IPO11: variants seen among roughly 807,000 people sequenced by gnomAD.
IPO11 encodes importin-11.
Under a neutral mutation model 143.2 loss-of-function variants are expected in IPO11, and 66 were observed. The observed-to-expected ratio is 0.46, with a 90% CI of 0.38 to 0.57. The LOEUF is 0.57. Among genes scored for constraint, IPO11 ranks in the 20% least tolerant of loss-of-function variants. The pLI, the probability that IPO11 is intolerant of heterozygous loss-of-function variation, is 0.00. For missense variants in IPO11, 1,026 were observed against 1,141.0 expected (o/e 0.90, Z 1.45); for synonymous variants, 385 against 377.8 (o/e 1.02, Z -0.22).
intron 2 of IPO11, among the ~76,000 whole-genome samples, chr5:62,439,711 T>C (rs184518294): frequency 6.7e-4 from 102 of 152,258 alleles, no homozygotes; most frequent in African/African-American, 2.4e-3. Context: ...CCTGTAATTT[T>C]CTTCTTAGAG....
intron 20 of IPO11, among the ~76,000 whole-genome samples, chr5:62,516,994 C>G (rs1050587227): frequency 1.3e-5 from 2 of 151,622 alleles, no homozygotes; most frequent in Non-Finnish European, 2.9e-5. Context: ...GTCAGGAGAT[C>G]AAGACCATCC....
chr5:62,501,773 G>C (rs980510974), intron 16 of IPO11, among the ~76,000 whole-genome samples: 1 of 152,146 alleles, frequency 6.6e-6, no homozygotes, highest in Non-Finnish European at 1.5e-5. Context: ...AATAGGGATA[G>C]GAAAGAACCC....
Position 62,520,337 on chromosome 5 carries a change from T to A in IPO11, c.1896+4836T>A, listed in dbSNP as rs1295409029. Reference sequence around the variant, plus strand: ...TGTTATCTACACATTTCCTCAGTGATGTTTTGTTACTTTCATCATCTTGAA... The same window carrying A: ...TGTTATCTACACATTTCCTCAGTGAAGTTTTGTTACTTTCATCATCTTGAA... On this transcript the variant is annotated intron_variant, in intron 20 of 29. Transcript: ENST00000325324. 2.0e-5 allele frequency among the ~76,000 whole-genome samples: 3 copies of A among 152,226 alleles called. No homozygotes were observed. The South Asian group carries it at 6.2e-4, about 31-fold the overall frequency.
intron 20 of IPO11, among the ~76,000 whole-genome samples, 200 bp downstream of exon 20, chr5:62,515,701 T>C (rs1741989093): frequency 6.6e-6 from 1 of 152,166 alleles, no homozygotes; most frequent in Non-Finnish European, 1.5e-5. Context: ...TTTGAGGATG[T>C]AAAAAATATT....
At chr5:62,526,066 G>C (rs1742360587) in intron 20 of IPO11, 76 bp from the exon 21 acceptor site, 1 of 869,624 alleles carries the variant, frequency 1.1e-6, no homozygotes, top group African/African-American at 1.7e-5. Context: ...AGGGCTTTTT[G>C]TATGATAGGT....
chr5:62,449,139 T>G (rs1057478081), intron 3 of IPO11, among the ~76,000 whole-genome samples: 1 of 152,104 alleles, frequency 6.6e-6, no homozygotes, highest in Non-Finnish European at 1.5e-5. Context: ...GCTCATAGGA[T>G]CCTTCTGCAT....
chr5:62,435,172 G>GTGTATATATGTGTA (rs1554047228), intron 1 of IPO11, among the ~76,000 whole-genome samples: 3 of 88,312 alleles, frequency 3.4e-5, no homozygotes, highest in African/African-American at 1.5e-4. Flanking sequence ...GTATATATAT[G>GTGTATATATGTGTA]TATATATGTA....
At chr5:62,527,824 A>G (rs1437005773) in intron 21 of IPO11, among the ~76,000 whole-genome samples, 2 of 152,212 alleles carry the variant, frequency 1.3e-5, no homozygotes, top group African/African-American at 2.4e-5. Context: ...ATCCTTCTTC[A>G]TGAATTTTTC....
chr5:62,489,581 A>G (rs1469380296), intron 14 of IPO11, among the ~76,000 whole-genome samples: 2 of 152,216 alleles, frequency 1.3e-5, no homozygotes, highest in African/African-American at 4.8e-5. Context: ...GTCTAAGGAA[A>G]GATTCCCAAA....
At chr5:62,570,799 G>A (rs749071860) in intron 27 of IPO11, among the ~76,000 whole-genome samples, 30 of 152,170 alleles carry the variant, frequency 2.0e-4, no homozygotes, top group African/African-American at 5.8e-4. Flanking sequence ...CACTGAGTGC[G>A]CTTAGCTAAT....
intron 28 of IPO11, among the ~76,000 whole-genome samples, chr5:62,596,274 A>AAAAAAAAAAAAAAAAAAAG (rs1554057521): frequency 3.3e-5 from 5 of 150,894 alleles, no homozygotes; most frequent in African/African-American, 1.2e-4. Flanking sequence ...GTCTCAAAAA[A>AAAAAAAAAAAAAAAAAAAG]AAAAAAAAAG....
At chr5:62,601,883 C>T in intron 29 of IPO11, 35 bp downstream of exon 29, 1 of 1,305,290 alleles carries the variant, frequency 7.7e-7, no homozygotes, top group South Asian at 1.4e-5. Flanking sequence ...AAATTAAGAA[C>T]CATATATTAT....
intron 24 of IPO11, among the ~76,000 whole-genome samples, chr5:62,539,765 C>T (rs1742864991): frequency 6.6e-6 from 1 of 152,164 alleles, no homozygotes; most frequent in Non-Finnish European, 1.5e-5. Context: ...ATTTTTATTG[C>T]ATTTATGCCT....
At chr5:62,530,050 AAGTTTTACTAACTTATTAGCCT>A (rs1029091225) in intron 21 of IPO11, among the ~76,000 whole-genome samples, 2 of 152,208 alleles carry the variant, frequency 1.3e-5, no homozygotes, top group Non-Finnish European at 2.9e-5. Context: ...CATTTAGCAT[AAGTTTTACTAACTTATTAGCCT>A]AGTTTCCCAT....
chr5:62,548,240 C>CT, intron 24 of IPO11, among the ~76,000 whole-genome samples: 1 of 151,968 alleles, frequency 6.6e-6, no homozygotes, highest in East Asian at 1.9e-4. Flanking sequence ...TAATACTTAC[C>CT]TTTTTTTGGT....
chr5:62,549,005 G>T (rs770577614), intron 24 of IPO11, among the ~76,000 whole-genome samples: 32 of 152,022 alleles, frequency 2.1e-4, no homozygotes, highest in Non-Finnish European at 2.9e-4. Flanking sequence ...ACTGTCTGGT[G>T]ATATCTGCCT....
At chr5:62,615,705 T>C (rs1251450819) in intron 29 of IPO11, among the ~76,000 whole-genome samples, 2 of 152,194 alleles carry the variant, frequency 1.3e-5, no homozygotes, top group Non-Finnish European at 2.9e-5. Flanking sequence ...GCAGAAGAGT[T>C]GGTTTTTATA....
At chr5:62,574,587 A>T (rs967710671) in intron 27 of IPO11, among the ~76,000 whole-genome samples, 2 of 152,114 alleles carry the variant, frequency 1.3e-5, no homozygotes, top group Non-Finnish European at 2.9e-5. Context: ...TTGAATTCTA[A>T]TCCATCTCTG....
Position 62,526,313 on chromosome 5 carries a change from C to T in IPO11, c.2012+56C>T, listed in dbSNP as rs548620057. The T allele has an allele frequency of 4.3e-5, 52 of 1,220,574 alleles. No homozygotes were observed. In the African/African-American group the frequency reaches 7.6e-4, roughly 18 times the overall value. The allele number at this position is 1,220,574 out of a possible 1,614,324, so 75.6% of individuals were successfully genotyped here. A position where few individuals can be genotyped will look rare whatever the true frequency, so the allele number is the denominator to read the frequency against. On this transcript the variant is annotated intron_variant, in intron 21 of 29. Coordinates refer to ENST00000325324, the MANE Select transcript of IPO11 (RefSeq NM_016338.5). ...TATTTTATTCGTGACCTTTCCTACT[C>T]TCATGCCAGTAAAGTTAAGGTCATG...
Sources: gnomAD v4.1 joint callset for allele counts (sites outside exome capture counted in the v4.1 genomes callset) on GRCh38, gnomAD v4.1.1 for gene constraint, MANE v1.5 for transcripts, NCBI Gene and HGNC (gene_info 2026-07-23, HGNC 2026-07-21) for gene names.